PTPN12: variants seen among roughly 807,000 people sequenced by gnomAD.
The protein encoded by PTPN12 is tyrosine-protein phosphatase non-receptor type 12.
In PTPN12, 29 loss-of-function variants were observed where a neutral mutation model predicts 97.6. That is an observed-to-expected ratio of 0.30 (90% CI 0.22 to 0.41). PTPN12 has a LOEUF of 0.41. PTPN12 is among the 10% of genes least tolerant of loss of function. PTPN12 has a pLI of 1.00. For missense variants in PTPN12, 819 were observed against 926.0 expected (o/e 0.88, Z 1.50); for synonymous variants, 327 against 300.4 (o/e 1.09, Z -0.91).
chr7:77,553,343 C>A (rs1225981642), intron 1 of PTPN12, among the ~76,000 whole-genome samples: 2 of 152,340 alleles, frequency 1.3e-5, no homozygotes, highest in Middle Eastern at 6.8e-3. Context: ...TGTGTCCTTA[C>A]TCATTTCCTG....
At chr7:77,627,977 G>T (rs541271879) in intron 13 of PTPN12, among the ~76,000 whole-genome samples, 1 of 152,162 alleles carries the variant, frequency 6.6e-6, no homozygotes, top group East Asian at 1.9e-4. Context: ...AAATTTATCT[G>T]ACTGAATAAT....
chr7:77,580,644 A>G (rs1322767417), intron 2 of PTPN12, among the ~76,000 whole-genome samples: 1 of 152,140 alleles, frequency 6.6e-6, no homozygotes, highest in East Asian at 1.9e-4. Context: ...AAAGAAATCA[A>G]TAAAAACTTA....
In PTPN12 at chr7:77,596,613, T is replaced by C. The variant is rs571680956; in HGVS notation, c.493-1229T>C. On this transcript the variant is annotated intron_variant, in intron 6 of 17. Transcript: ENST00000248594. ...TTTTTGTAGAGACAGGGTTCTGCTA[T>C]ATTGTTCAGGCTGGTCTTGAACCCC... Among the ~76,000 whole-genome samples, 18 of 152,350 alleles carry C rather than the reference T, an allele frequency of 1.2e-4. 1 individual carries two copies. In the South Asian group the frequency reaches 3.5e-3, roughly 30 times the overall value.
In PTPN12 at chr7:77,607,250, A is replaced by G. The variant is rs1202527562; in HGVS notation, c.711A>G (p.Arg237=). ...ATATCCTTAGTGCAGGCTGTGGAAG[A>G]ACAGGTGCCATTTGTGCCATAGATT... ...ICIHCSAGCG[R]TGAICAIDYT... Residue 237 remains arginine (R), a synonymous_variant, in exon 9 of 18, where the codon AGA becomes AGG. Coordinates refer to ENST00000248594, the MANE Select transcript of PTPN12 (RefSeq NM_002835.4). 6.2e-7 allele frequency: 1 copy of G among 1,609,806 alleles called. No individual in the cohort carries two copies. The highest frequency in any genetic ancestry group is 8.5e-7 in the Non-Finnish European group (1 of 1,178,164).
At chr7:77,620,688 G>A (rs996546339) in intron 12 of PTPN12, among the ~76,000 whole-genome samples, 2 of 152,204 alleles carry the variant, frequency 1.3e-5, no homozygotes, top group Non-Finnish European at 2.9e-5. Flanking sequence ...GGTGGCTCAC[G>A]CCTGTAATCC....
In PTPN12 at chr7:77,537,472, A is replaced by G; in HGVS notation, c.-75A>G. On this transcript the variant is annotated 5_prime_UTR_variant, in exon 1 of 18. Coordinates refer to ENST00000248594, the MANE Select transcript of PTPN12 (RefSeq NM_002835.4). ...GACGTGCTGGGGGAACGAGCTGGGG[A>G]AGACGGAGCGGGCTCTGTGCCGGGC... is the stretch of plus-strand genomic sequence containing the variant. The G allele has an allele frequency of 1.4e-6, 2 of 1,406,134 alleles. No homozygotes were observed. The highest frequency in any genetic ancestry group is 1.9e-6 in the Non-Finnish European group (2 of 1,071,734). The allele number at this position is 1,406,134 out of a possible 1,614,324, so 87.1% of individuals were successfully genotyped here.
At position 77,602,077 on chromosome 7, in the gene PTPN12, A is replaced by G. The variant is rs1019890013; in HGVS notation, c.695+1271A>G. ...ATTTGAAGTTCAGTTAGGTTTTGCA[A>G]AATTACTCGTTTGGATGTGTTAAGA... On this transcript the variant is annotated intron_variant, in intron 8 of 17. Transcript: ENST00000248594. Among the ~76,000 whole-genome samples the G allele has an allele frequency of 3.9e-5, 6 of 152,118 alleles. No homozygotes were observed. The South Asian group carries it at 6.2e-4, about 16-fold the overall frequency.
intron 1 of PTPN12, among the ~76,000 whole-genome samples, chr7:77,569,524 A>G (rs901229033): frequency 6.6e-6 from 1 of 152,172 alleles, no homozygotes; most frequent in Non-Finnish European, 1.5e-5. Flanking sequence ...TAATCTCAGC[A>G]CTTTGGAAGG....
chr7:77,631,829 A>G (rs755878202), intron 13 of PTPN12, among the ~76,000 whole-genome samples: 3 of 152,192 alleles, frequency 2.0e-5, no homozygotes, highest in Non-Finnish European at 4.4e-5. Flanking sequence ...TTCCAATGTT[A>G]TTTCAGTTAT....
intron 9 of PTPN12, among the ~76,000 whole-genome samples, chr7:77,609,009 C>G (rs1788468139): frequency 1.3e-5 from 2 of 152,090 alleles, no homozygotes; most frequent in Admixed American, 1.3e-4. Context: ...CACCTGAGGT[C>G]AGGAGTTTGA....
chr7:77,559,890 C>T (rs988718734), intron 1 of PTPN12, among the ~76,000 whole-genome samples: 19 of 152,048 alleles, frequency 1.2e-4, no homozygotes, highest in Admixed American at 9.2e-4. Context: ...TGGGTGATGG[C>T]GGCATTGGTA....
intron 1 of PTPN12, among the ~76,000 whole-genome samples, chr7:77,566,788 G>GC (rs1157921487): frequency 6.6e-6 from 1 of 152,030 alleles, no homozygotes; most frequent in Non-Finnish European, 1.5e-5. Flanking sequence ...TGTTTTCTTA[G>GC]CTTTTTTTTA....
At chr7:77,540,466 A>G (rs1450182500) in intron 1 of PTPN12, among the ~76,000 whole-genome samples, 2 of 151,594 alleles carry the variant, frequency 1.3e-5, no homozygotes, top group Non-Finnish European at 2.9e-5. Flanking sequence ...TTGAACTTTC[A>G]TCTGACTGAC....
intron 1 of PTPN12, chr7:77,545,865 A>G (rs1195106854): frequency 2.0e-5 from 3 of 152,124 alleles, no homozygotes; most frequent in Non-Finnish European, 2.9e-5. Flanking sequence ...TAAATGAATG[A>G]AATCTTGCTT....
intron 1 of PTPN12, among the ~76,000 whole-genome samples, chr7:77,565,300 T>C (rs925356019): frequency 6.6e-6 from 1 of 152,272 alleles, no homozygotes; most frequent in Admixed American, 6.5e-5. Flanking sequence ...AACGCTTGTC[T>C]GTCTAAATGT....
chr7:77,541,380 G>GTAGCC (rs1170125012), intron 1 of PTPN12, among the ~76,000 whole-genome samples: 3 of 152,124 alleles, frequency 2.0e-5, no homozygotes, highest in Non-Finnish European at 4.4e-5. Flanking sequence ...GTGAGCCACC[G>GTAGCC]TAGCCGGCCT....
At chr7:77,609,867 C>G (rs1211591854) in intron 9 of PTPN12, among the ~76,000 whole-genome samples, 1 of 148,104 alleles carries the variant, frequency 6.8e-6, no homozygotes, top group Admixed American at 6.9e-5. Context: ...GGCGACAGAG[C>G]GAGACTCCGT....
Position 77,610,765 on chromosome 7 carries a change from A to G in PTPN12, c.763A>G (p.Lys255Glu). 1 of 1,592,972 alleles carries G rather than the reference A, an allele frequency of 6.3e-7. No homozygotes were observed. The highest frequency in any genetic ancestry group is 8.5e-7 in the Non-Finnish European group (1 of 1,172,952). The change falls in exon 10 of 18, where the codon AAA becomes GAA. Residue 255 changes from lysine to glutamate, a missense_variant and splice_region_variant. Physicochemically the swap from Lys to Glu is moderately conservative, Grantham distance 56 (BLOSUM62 1). Coordinates refer to ENST00000248594, the MANE Select transcript of PTPN12 (RefSeq NM_002835.4). ...DYTWNLLKAGKIPEEFNVFNL... is the reference protein window; with the variant it reads ...DYTWNLLKAGEIPEEFNVFNL... ...TGATGTATTAAATTTTCTGTTTTAG[A>G]AAATACCAGAGGAATTTAATGTATT...
rs760712274 is a variant in PTPN12, at chr7:77,627,093, G to A, written c.1414G>A (p.Ala472Thr). The A allele has an allele frequency of 1.9e-6, 3 of 1,614,142 alleles. No individual in the cohort carries two copies. The highest frequency in any genetic ancestry group is 4.5e-5 in the East Asian group (2 of 44,888). The change falls in exon 13 of 18, where the codon GCT becomes ACT. Residue 472 changes from alanine to threonine, a missense_variant. This residue lies in a region of PTPN12 where 607 missense variants were observed against 577.3 expected (regional missense o/e 1.05). Transcript: ENST00000248594. ...AATTAAATCTGCTTCACCTTGTATA[G>A]CTGATAAAATCTCTAAGCCACAGGA... ...IKIKSASPCI[A>T]DKISKPQELS...
Sources: allele counts gnomAD v4.1 joint callset (sites outside exome capture counted in the v4.1 genomes callset), GRCh38; gene constraint gnomAD v4.1.1; regional missense constraint gnomAD v4.1.1; transcripts MANE v1.5; gene names NCBI Gene and HGNC (gene_info 2026-07-23, HGNC 2026-07-21).